The following WDPCP variants were observed in gnomAD, a reference collection of about 807,000 sequenced individuals.
WDPCP encodes WD repeat containing planar cell polarity effector.
Under a neutral mutation model 93.1 loss-of-function variants are expected in WDPCP, and 71 were observed. That is an observed-to-expected ratio of 0.76 (90% CI 0.63 to 0.93). WDPCP has a LOEUF of 0.93. Among genes scored for constraint, WDPCP ranks in the 40% least tolerant of loss-of-function variants. The pLI is 0.00. For synonymous variants in WDPCP, 315 were observed against 315.0 expected, an observed-to-expected ratio of 1.00 and a Z score of 0.00; for missense variants, 844 against 887.4, an observed-to-expected ratio of 0.95 and a Z score of 0.62.
intron 10 of WDPCP, among the ~76,000 whole-genome samples, chr2:63,398,751 G>A (rs1209882071): frequency 7.0e-6 from 1 of 143,256 alleles, no homozygotes; most frequent in Non-Finnish European, 1.5e-5. Context: ...CCAAAGGCTT[G>A]CATAACAAGC....
intron 7 of WDPCP, chr2:63,437,938 C>G: frequency 6.5e-7 from 1 of 1,540,638 alleles, no homozygotes. Context: ...AGAAACCATC[C>G]GAGGATAAAG....
At chr2:63,179,263 G>A (rs962924992) in intron 14 of WDPCP, among the ~76,000 whole-genome samples, 6 of 151,302 alleles carry the variant, frequency 4.0e-5, no homozygotes, top group Admixed American at 3.3e-4. Flanking sequence ...GGGTTTAATT[G>A]ACTCATTGTT....
chr2:63,484,556 T>A, intron 6 of WDPCP, 48 bp downstream of exon 6: 1 of 1,607,954 alleles, frequency 6.2e-7, no homozygotes, highest in African/African-American at 1.3e-5. Context: ...CTACATAGTT[T>A]TCAGCTCCAT....
intron 2 of WDPCP, among the ~76,000 whole-genome samples, chr2:63,674,291 T>A (rs1484734831): frequency 6.6e-6 from 1 of 152,182 alleles, no homozygotes; most frequent in Non-Finnish European, 1.5e-5. Context: ...TGTAGAGTAA[T>A]CAAAGCTTGC....
intron 2 of WDPCP, among the ~76,000 whole-genome samples, chr2:63,804,935 G>T (rs931358962): frequency 2.0e-5 from 3 of 151,962 alleles, no homozygotes; most frequent in Non-Finnish European, 2.9e-5. Context: ...GGCTGAGGCA[G>T]GATAATCGCT....
chr2:63,247,920 C>A (rs1265549146), intron 14 of WDPCP, among the ~76,000 whole-genome samples: 1 of 151,818 alleles, frequency 6.6e-6, no homozygotes, highest in Non-Finnish European at 1.5e-5. Context: ...CTTTTGTACA[C>A]ACTCGATAGT....
intron 17 of WDPCP, among the ~76,000 whole-genome samples, chr2:63,139,598 G>A (rs1452291714): frequency 6.6e-6 from 1 of 152,080 alleles, no homozygotes; most frequent in East Asian, 1.9e-4. Flanking sequence ...TTTCATGTTT[G>A]TTGGCCATTT....
At chr2:63,338,004 GTAAT>G (rs2104418868) in intron 12 of WDPCP, among the ~76,000 whole-genome samples, 1 of 152,122 alleles carries the variant, frequency 6.6e-6, no homozygotes, top group Admixed American at 6.5e-5. Context: ...TTTGCTTGAG[GTAAT>G]CTCATTTGTC....
chr2:63,837,410 G>C, the WDPCP span, among the ~76,000 whole-genome samples: 1 of 152,192 alleles, frequency 6.6e-6, no homozygotes, highest in Non-Finnish European at 1.5e-5. Flanking sequence ...GGGTACAGAT[G>C]GGAGCCAATA....
chr2:63,513,289 G>T (rs911138278), intron 1 of WDPCP, among the ~76,000 whole-genome samples: 1 of 152,076 alleles, frequency 6.6e-6, no homozygotes, highest in East Asian at 1.9e-4. Context: ...TATTTACATC[G>T]TTAGAAAAAT....
At chr2:63,494,302 CAAT>C (rs1210405051) in intron 1 of WDPCP, among the ~76,000 whole-genome samples, 1 of 150,548 alleles carries the variant, frequency 6.6e-6, no homozygotes, top group Non-Finnish European at 1.5e-5. Flanking sequence ...ACGACGACGA[CAAT>C]GATGATGACG....
intron 14 of WDPCP, among the ~76,000 whole-genome samples, chr2:63,255,649 T>C (rs1330758912): frequency 1.3e-5 from 2 of 152,142 alleles, no homozygotes; most frequent in Non-Finnish European, 2.9e-5. Flanking sequence ...CAGGTACAGA[T>C]GCCAGCACCA....
chr2:63,200,758 AG>A (rs1245113058), intron 14 of WDPCP, among the ~76,000 whole-genome samples: 1 of 152,224 alleles, frequency 6.6e-6, no homozygotes, highest in Non-Finnish European at 1.5e-5. Context: ...CTAGCACAAC[AG>A]GGTATCTACG....
At chr2:63,719,806 T>G (rs1283510292) in intron 2 of WDPCP, among the ~76,000 whole-genome samples, 2 of 152,154 alleles carry the variant, frequency 1.3e-5, no homozygotes, top group South Asian at 4.1e-4. Flanking sequence ...AAGTTTACCA[T>G]ATATTAGGCT....
At chr2:63,309,968 G>C (rs1438277102) in intron 13 of WDPCP, among the ~76,000 whole-genome samples, 1 of 152,090 alleles carries the variant, frequency 6.6e-6, no homozygotes, top group Admixed American at 6.6e-5. Context: ...CAATCTTTCA[G>C]GTAGAGACTA....
In WDPCP at chr2:63,288,414, A is replaced by C. The variant is rs555673718; in HGVS notation, c.1812+24834T>G. Among the ~76,000 whole-genome samples, 10 of 152,348 alleles carry C rather than the reference A, an allele frequency of 6.6e-5. 1 individual carries two copies. The highest frequency in any genetic ancestry group is 3.3e-4 in the Admixed American group (5 of 15,310). On this transcript the variant is annotated intron_variant, in intron 13 of 17. Transcript: ENST00000272321. ...GTCCTAAAGACAAAGAATTAAAAGC[A>C]GCATTTCTGTGGCCAAATCGACTTC...
chr2:63,552,326 T>C (rs1705739628), intron 1 of WDPCP, among the ~76,000 whole-genome samples: 1 of 151,850 alleles, frequency 6.6e-6, no homozygotes, highest in African/African-American at 2.4e-5. Context: ...ACACCTACTC[T>C]AATGCATAAA....
chr2:63,812,635 G>A (rs1670878596), intron 2 of WDPCP, among the ~76,000 whole-genome samples: 1 of 152,010 alleles, frequency 6.6e-6, no homozygotes, highest in Non-Finnish European at 1.5e-5. Flanking sequence ...GCAGCCTCGT[G>A]AGACCTTAAG....
chr2:63,391,329 C>T (rs905667781), intron 10 of WDPCP, among the ~76,000 whole-genome samples: 1 of 152,098 alleles, frequency 6.6e-6, no homozygotes, highest in African/African-American at 2.4e-5. Flanking sequence ...AGGCCTTCAA[C>T]AAAATTCAAC....
Sources: allele counts gnomAD v4.1 joint callset (sites outside exome capture counted in the v4.1 genomes callset), GRCh38; gene constraint gnomAD v4.1.1; transcripts MANE v1.5; gene names NCBI Gene and HGNC (gene_info 2026-07-23, HGNC 2026-07-21).